The following SGCZ variants were observed in gnomAD, a reference collection of about 807,000 sequenced individuals.
The protein encoded by SGCZ is sarcoglycan zeta, also known as zeta-sarcoglycan.
SGCZ carries 40 observed loss-of-function variants against 41.3 expected under a neutral mutation model. That is an observed-to-expected ratio of 0.97 (90% confidence interval 0.75 to 1.26). SGCZ has a LOEUF of 1.26. Ranked by LOEUF, SGCZ falls within the 50% of genes most tolerant of loss-of-function variation. The pLI, the probability that SGCZ is intolerant of heterozygous loss-of-function variation, is 0.00. For synonymous variants in SGCZ, 206 were observed against 137.5 expected (o/e 1.50, Z -3.49); for missense variants, 552 against 369.8 (o/e 1.49, Z -4.04).
rs565930469 is a variant in SGCZ, at chr8:14,314,197, G to A, written c.336+9906C>T. Reference sequence around the variant, plus strand: ...TTTATTTTTAAGTCCAAAGAATGTCGCACCTCTGCAACCAAGTTTGCCCAC... The same window carrying A: ...TTTATTTTTAAGTCCAAAGAATGTCACACCTCTGCAACCAAGTTTGCCCAC... On this transcript the variant is annotated intron_variant, in intron 3 of 7. Coordinates refer to ENST00000382080, the MANE Select transcript of SGCZ (RefSeq NM_139167.4). 2.5e-4 allele frequency among the ~76,000 whole-genome samples: 38 copies of A among 151,972 alleles called. 1 individual carries two copies. Among genetic ancestry groups the A allele is most frequent in the Non-Finnish European group, 4.0e-4 (27 of 67,962 alleles).
At chr8:15,186,237 G>A (rs1255347615) in intron 1 of SGCZ, among the ~76,000 whole-genome samples, 2 of 129,052 alleles carry the variant, frequency 1.5e-5, no homozygotes, top group Non-Finnish European at 3.1e-5. Context: ...ACTCCAGCCT[G>A]GGCAACAGAG....
At chr8:14,529,321 C>T (rs745734041) in intron 2 of SGCZ, among the ~76,000 whole-genome samples, 3 of 152,166 alleles carry the variant, frequency 2.0e-5, no homozygotes, top group Non-Finnish European at 2.9e-5. Flanking sequence ...TTGACTCCTT[C>T]TACTTATATG....
chr8:14,880,574 C>A (rs1804549699), intron 1 of SGCZ, among the ~76,000 whole-genome samples: 2 of 152,278 alleles, frequency 1.3e-5, no homozygotes, highest in African/African-American at 2.4e-5. Context: ...TGATGATAGA[C>A]TGGATTAAGA....
intron 2 of SGCZ, among the ~76,000 whole-genome samples, chr8:14,444,408 A>G (rs1430503244): frequency 6.6e-6 from 1 of 152,152 alleles, no homozygotes; most frequent in Non-Finnish European, 1.5e-5. Context: ...ACTTGGAACC[A>G]ATCCAAATGT....
chr8:15,158,885 G>T (rs186968255), intron 1 of SGCZ, among the ~76,000 whole-genome samples: 1 of 152,264 alleles, frequency 6.6e-6, no homozygotes, highest in Non-Finnish European at 1.5e-5. Context: ...ATCACTCTGT[G>T]GTCAGGTAAT....
chr8:14,282,031 C>T (rs1303990454), intron 3 of SGCZ, among the ~76,000 whole-genome samples: 2 of 152,160 alleles, frequency 1.3e-5, no homozygotes, highest in East Asian at 3.9e-4. Context: ...AGTTATCAAA[C>T]CATATTGGCT....
intron 2 of SGCZ, among the ~76,000 whole-genome samples, chr8:14,498,850 C>A (rs1802067080): frequency 6.6e-6 from 1 of 151,070 alleles, no homozygotes; most frequent in Admixed American, 6.6e-5. Flanking sequence ...AGATATTTAC[C>A]CTCATATGTG....
intron 1 of SGCZ, among the ~76,000 whole-genome samples, chr8:14,702,330 T>C (rs1293710267): frequency 6.6e-6 from 1 of 151,900 alleles, no homozygotes; most frequent in Non-Finnish European, 1.5e-5. Context: ...CATTTATTGT[T>C]AGAATGCTCA....
chr8:15,080,865 T>C (rs1805721168), intron 1 of SGCZ, among the ~76,000 whole-genome samples: 1 of 152,088 alleles, frequency 6.6e-6, no homozygotes, highest in African/African-American at 2.4e-5. Context: ...GTGCTGGGAT[T>C]ACAGGCATGA....
At chr8:14,558,042 A>C (rs1468577824) in intron 1 of SGCZ, among the ~76,000 whole-genome samples, 1 of 152,142 alleles carries the variant, frequency 6.6e-6, no homozygotes, top group East Asian at 1.9e-4. Context: ...TGAACATTTT[A>C]AGTGCATAGA....
rs185624047 is a variant in SGCZ, at chr8:14,143,131, T to C, written c.547+21449A>G. On this transcript the variant is annotated intron_variant, in intron 5 of 7. Coordinates refer to ENST00000382080, the MANE Select transcript of SGCZ (RefSeq NM_139167.4). ...ATAACGCCAATTCAAATAATAAAAATATCTCAGGAAACTAGAAATAAAGGA... is the reference window on the plus strand; with the variant it reads ...ATAACGCCAATTCAAATAATAAAAACATCTCAGGAAACTAGAAATAAAGGA... Among the ~76,000 whole-genome samples, 8 of 151,898 alleles carry C rather than the reference T, an allele frequency of 5.3e-5. No homozygotes were observed. The East Asian group carries it at 1.4e-3, about 26-fold the overall frequency.
At chr8:14,427,685 T>C (rs1799826064) in intron 2 of SGCZ, among the ~76,000 whole-genome samples, 3 of 152,118 alleles carry the variant, frequency 2.0e-5, no homozygotes, top group African/African-American at 7.2e-5. Context: ...CAGAAAGCTA[T>C]CTGCTTGGCA....
At chr8:14,126,524 T>G (rs1802866084) in intron 5 of SGCZ, among the ~76,000 whole-genome samples, 1 of 152,174 alleles carries the variant, frequency 6.6e-6, no homozygotes, top group African/African-American at 2.4e-5. Context: ...ATAGGAATAC[T>G]TTTCCACTGT....
chr8:14,417,686 CTT>C (rs1799532039), intron 2 of SGCZ, among the ~76,000 whole-genome samples: 1 of 151,696 alleles, frequency 6.6e-6, no homozygotes, highest in African/African-American at 2.4e-5. Flanking sequence ...GTATTGTACT[CTT>C]GAAATTTGCT....
chr8:14,302,318 T>G (rs1046575471), intron 3 of SGCZ, among the ~76,000 whole-genome samples: 1 of 152,220 alleles, frequency 6.6e-6, no homozygotes, highest in Non-Finnish European at 1.5e-5. Flanking sequence ...TAATCTTGAC[T>G]AATCCAGGTC....
At chr8:15,176,393 C>G (rs946556740) in intron 1 of SGCZ, among the ~76,000 whole-genome samples, 2 of 152,140 alleles carry the variant, frequency 1.3e-5, no homozygotes, top group African/African-American at 4.8e-5. Flanking sequence ...TAGTGCATGT[C>G]TATAAATACT....
At chr8:15,213,361 T>C (rs1801299306) in intron 1 of SGCZ, among the ~76,000 whole-genome samples, 1 of 151,854 alleles carries the variant, frequency 6.6e-6, no homozygotes, top group Admixed American at 6.6e-5. Context: ...CTTTGGGTAA[T>C]TATATAGAAA....
At chr8:14,286,310 TC>T (rs1375086953) in intron 3 of SGCZ, among the ~76,000 whole-genome samples, 1 of 152,142 alleles carries the variant, frequency 6.6e-6, no homozygotes, top group Non-Finnish European at 1.5e-5. Context: ...AAATCACTTT[TC>T]ATTAAGCCTT....
intron 5 of SGCZ, among the ~76,000 whole-genome samples, chr8:14,143,843 G>A (rs1197321144): frequency 6.6e-6 from 1 of 152,114 alleles, no homozygotes; most frequent in East Asian, 1.9e-4. Flanking sequence ...GCTGGGTGAG[G>A]GATAACACGG....
Sources: allele counts gnomAD v4.1 joint callset (sites outside exome capture counted in the v4.1 genomes callset), GRCh38; gene constraint gnomAD v4.1.1; transcripts MANE v1.5; gene names NCBI Gene and HGNC (gene_info 2026-07-23, HGNC 2026-07-21).